The following AGBL4 variants were observed in gnomAD, a reference collection of about 807,000 sequenced individuals.
The protein encoded by AGBL4 is cytosolic carboxypeptidase 6.
In AGBL4, 58 loss-of-function variants were observed where a neutral mutation model predicts 66.4. That is an observed-to-expected ratio of 0.87 (90% confidence interval 0.71 to 1.09). The LOEUF is 1.09. AGBL4 is among the 50% of genes least tolerant of loss of function. The pLI, the probability that AGBL4 is intolerant of heterozygous loss-of-function variation, is 0.00. For synonymous variants in AGBL4, 234 were observed against 222.9 expected, an observed-to-expected ratio of 1.05 and a Z score of -0.44; for missense variants, 579 against 631.0, an observed-to-expected ratio of 0.92 and a Z score of 0.88.
chr1:49,904,673 T>C (rs535372148), intron 1 of AGBL4, among the ~76,000 whole-genome samples: 1 of 152,316 alleles, frequency 6.6e-6, no homozygotes, highest in South Asian at 2.1e-4. Flanking sequence ...ATGTTCTATT[T>C]CTGAAAGTTG....
intron 6 of AGBL4, among the ~76,000 whole-genome samples, chr1:48,799,890 T>C (rs1645770721): frequency 6.6e-6 from 1 of 152,206 alleles, no homozygotes; most frequent in Non-Finnish European, 1.5e-5. Context: ...TGCTGTTGGA[T>C]TCAGTTAGCT....
intron 3 of AGBL4, among the ~76,000 whole-genome samples, chr1:49,259,086 C>T (rs1356600371): frequency 6.6e-6 from 1 of 151,952 alleles, no homozygotes; most frequent in Non-Finnish European, 1.5e-5. Flanking sequence ...AAATAAAATA[C>T]CTTACAGACA....
intron 5 of AGBL4, among the ~76,000 whole-genome samples, chr1:49,013,303 T>G (rs1662586242): frequency 6.6e-6 from 1 of 152,198 alleles, no homozygotes; most frequent in Admixed American, 6.5e-5. Context: ...TGCCACAAGC[T>G]TGGTATCTTC....
intron 3 of AGBL4, among the ~76,000 whole-genome samples, chr1:49,371,503 G>C (rs1388682676): frequency 6.6e-6 from 1 of 151,926 alleles, no homozygotes; most frequent in Non-Finnish European, 1.5e-5. Flanking sequence ...TTTTTTAGTG[G>C]GAGTGCAGTA....
chr1:50,022,211 T>C (rs954278291), intron 1 of AGBL4, among the ~76,000 whole-genome samples: 5 of 152,198 alleles, frequency 3.3e-5, no homozygotes, highest in African/African-American at 1.2e-4. Flanking sequence ...ACAATGCCCT[T>C]GTAGAGCTTA....
chr1:48,692,082 A>G (rs1159886014), intron 6 of AGBL4, among the ~76,000 whole-genome samples: 1 of 152,154 alleles, frequency 6.6e-6, no homozygotes, highest in East Asian at 1.9e-4. Context: ...TTTTATTGTA[A>G]AACAAGTTTC....
intron 3 of AGBL4, among the ~76,000 whole-genome samples, chr1:49,509,309 A>G (rs1216957181): frequency 6.6e-6 from 1 of 151,962 alleles, no homozygotes; most frequent in African/African-American, 2.4e-5. Flanking sequence ...TTATTTTTTA[A>G]GTAATATTGA....
chr1:49,720,432 T>G (rs1415693582), intron 2 of AGBL4, among the ~76,000 whole-genome samples: 1 of 152,158 alleles, frequency 6.6e-6, no homozygotes, highest in Admixed American at 6.6e-5. Flanking sequence ...GAAGAAGTTT[T>G]AAAAAGTCCT....
intron 3 of AGBL4, among the ~76,000 whole-genome samples, chr1:49,401,531 A>C (rs1185027476): frequency 1.3e-5 from 2 of 152,196 alleles, no homozygotes; most frequent in Non-Finnish European, 2.9e-5. Flanking sequence ...TTCATGACGA[A>C]TGAACAAGTA....
chr1:49,335,798 A>AGCCACC (rs1645427134), intron 3 of AGBL4, among the ~76,000 whole-genome samples: 1 of 152,142 alleles, frequency 6.6e-6, no homozygotes, highest in Admixed American at 6.5e-5. Flanking sequence ...TATAGGCGTG[A>AGCCACC]GCCACCGTGC....
At chr1:49,126,189 T>G (rs1448827050) in intron 4 of AGBL4, among the ~76,000 whole-genome samples, 2 of 152,126 alleles carry the variant, frequency 1.3e-5, no homozygotes, top group Non-Finnish European at 2.9e-5. Flanking sequence ...AGATTATCAC[T>G]TCTGGAAAGG....
At chr1:49,189,269 T>C (rs767290609) in intron 4 of AGBL4, among the ~76,000 whole-genome samples, 85 of 152,182 alleles carry the variant, frequency 5.6e-4, no homozygotes, top group Non-Finnish European at 1.0e-3. Flanking sequence ...TCTCCTCTTA[T>C]AGTTGTCTGG....
intron 3 of AGBL4, among the ~76,000 whole-genome samples, chr1:49,604,676 T>A (rs1645031233): frequency 6.6e-6 from 1 of 152,166 alleles, no homozygotes; most frequent in Non-Finnish European, 1.5e-5. Context: ...AAAATATATG[T>A]AAGAGTTGCT....
intron 3 of AGBL4, among the ~76,000 whole-genome samples, chr1:49,581,612 AGTGGCGTCTGT>A (rs1306383227): frequency 6.6e-6 from 1 of 152,168 alleles, no homozygotes; most frequent in East Asian, 1.9e-4. Flanking sequence ...AAATAGCATT[AGTGGCGTCTGT>A]GGATTCCTCA....
At chr1:49,760,240 T>C (rs1445943163) in intron 2 of AGBL4, among the ~76,000 whole-genome samples, 4 of 152,208 alleles carry the variant, frequency 2.6e-5, no homozygotes, top group Non-Finnish European at 4.4e-5. Context: ...TCCCATTCTT[T>C]AGGTTGCCTG....
intron 4 of AGBL4, among the ~76,000 whole-genome samples, chr1:49,127,755 A>C (rs555830504): frequency 2.0e-5 from 3 of 152,250 alleles, no homozygotes; most frequent in African/African-American, 7.2e-5. Flanking sequence ...CTTCAGTAAC[A>C]GGGCCAAACT....
chr1:49,004,936 G>A (rs534980397), intron 5 of AGBL4, among the ~76,000 whole-genome samples: 6 of 152,256 alleles, frequency 3.9e-5, no homozygotes, highest in Admixed American at 3.9e-4. Context: ...AGACTGGAAC[G>A]AGTTTAGAGC....
chr1:48,775,983 G>A (rs551347688), intron 6 of AGBL4, among the ~76,000 whole-genome samples: 1 of 152,344 alleles, frequency 6.6e-6, no homozygotes, highest in South Asian at 2.1e-4. Context: ...CCTGGCCAGG[G>A]AGGGGCAGGA....
intron 3 of AGBL4, among the ~76,000 whole-genome samples, chr1:49,298,766 T>C (rs1469157150): frequency 6.6e-6 from 1 of 152,212 alleles, no homozygotes; most frequent in Non-Finnish European, 1.5e-5. Flanking sequence ...GACATGGGAA[T>C]TTTATCTCCA....
Sources: gnomAD v4.1 joint callset for allele counts (sites outside exome capture counted in the v4.1 genomes callset) on GRCh38, gnomAD v4.1.1 for gene constraint, MANE v1.5 for transcripts, NCBI Gene and HGNC (gene_info 2026-07-23, HGNC 2026-07-21) for gene names.